SSC5D: variants seen among roughly 807,000 people sequenced by gnomAD.
SSC5D encodes the protein soluble scavenger receptor cysteine-rich domain-containing protein SSC5D.
A neutral mutation model predicts 104.6 loss-of-function variants in SSC5D; 106 were observed. That is an observed-to-expected ratio of 1.01 (90% CI 0.87 to 1.19). The LOEUF is 1.19. Ranked by LOEUF, SSC5D falls within the 50% of genes most tolerant of loss-of-function variation. The pLI, the probability that SSC5D is intolerant of heterozygous loss-of-function variation, is 0.00. For missense variants in SSC5D, 1,993 were observed against 2,153.8 expected (o/e 0.93, Z 1.48); for synonymous variants, 860 against 883.5 (o/e 0.97, Z 0.47).
At chr19:55,502,402 T>C (rs1417952607) in intron 12 of SSC5D, among the ~76,000 whole-genome samples, 3 of 152,134 alleles carry the variant, frequency 2.0e-5, no homozygotes, top group African/African-American at 7.2e-5. Context: ...CATTTCTTTT[T>C]CCCTGTCTTT....
intron 12 of SSC5D, among the ~76,000 whole-genome samples, chr19:55,505,878 A>G (rs1367881782): frequency 2.6e-5 from 4 of 151,736 alleles, no homozygotes; most frequent in African/African-American, 4.9e-5. Flanking sequence ...CTGGGATTAC[A>G]GGCGTGTGCC....
chr19:55,502,930 C>T (rs1439161829), intron 12 of SSC5D, among the ~76,000 whole-genome samples: 1 of 152,168 alleles, frequency 6.6e-6, no homozygotes, highest in Admixed American at 6.5e-5. Context: ...ATTCTCCTGC[C>T]TCAGCCTCCT....
rs1307138805 is a variant in SSC5D at position 55,489,476 on chromosome 19, C to G, written c.175C>G (p.Arg59Gly). 17 of 1,474,110 alleles carry G rather than the reference C, an allele frequency of 1.2e-5. No individual in the cohort carries two copies. Among genetic ancestry groups the G allele is most frequent in the South Asian group, 2.7e-5 (2 of 73,048 alleles). 91.3% of individuals were successfully genotyped at this position (1,474,110 alleles called of 1,614,324 possible). Residue 59 changes from arginine to glycine, a missense_variant, in exon 3 of 14, where the codon CGG becomes GGG. Physicochemically the swap from Arg to Gly is moderately radical, Grantham distance 125. This residue lies in a region of SSC5D where 1,101 missense variants were observed against 1,085.0 expected (regional missense o/e 1.01). Transcript: ENST00000389623. ...CCTGCGCGATGCCGCCGTGGCCTGCCGGCAGCTGGGCTGCGGAGGGGCACT... is the reference window on the plus strand; with the variant it reads ...CCTGCGCGATGCCGCCGTGGCCTGCGGGCAGCTGGGCTGCGGAGGGGCACT... The part of the protein sequence containing the change: ...WDLRDAAVAC[R>G]QLGCGGALAA...
chr19:55,518,640 A>C lies in SSC5D; in HGVS notation c.4364A>C (p.Asp1455Ala). 1 of 1,502,744 alleles carries C rather than the reference A, an allele frequency of 6.7e-7. No individual in the cohort carries two copies. The highest frequency in any genetic ancestry group is 8.9e-7 in the Non-Finnish European group (1 of 1,125,126). The allele number at this position is 1,502,744 out of a possible 1,614,324, so 93.1% of individuals were successfully genotyped here. A position where few individuals can be genotyped will look rare whatever the true frequency, so the allele number is the denominator to read the frequency against. ...TAHPLDHPPL[D>A]PLTLGPTPGQ... ...CACCCCTTGGATCATCCTCCCCTTG[A>C]CCCCCTCACCCTAGGGCCAACTCCT... The change falls in exon 14 of 14, where the codon GAC becomes GCC. Residue 1455 changes from aspartate to alanine, a missense_variant. Around this residue, in one of 6 missense-constraint regions of SSC5D, gnomAD observed 349 missense variants for 397.6 expected, o/e 0.88. Coordinates refer to ENST00000389623, the MANE Select transcript of SSC5D (RefSeq NM_001144950.2).
At chr19:55,507,384 C>T (rs1407317777) in intron 12 of SSC5D, among the ~76,000 whole-genome samples, 2 of 145,000 alleles carry the variant, frequency 1.4e-5, no homozygotes, top group East Asian at 2.1e-4. Flanking sequence ...AGACATTTTA[C>T]GGGCCGGGCG....
At position 55,517,437 on chromosome 19, in the gene SSC5D, C is replaced by T. The variant is rs1987898658; in HGVS notation, c.3161C>T (p.Pro1054Leu). The change falls in exon 14 of 14, where the codon CCG (proline) becomes CTG (leucine). Residue 1054 changes from proline (P) to leucine (L), a missense_variant. Pro to Leu is a moderately conservative substitution (Grantham distance 98). This residue lies in a region of SSC5D where 423 missense variants were observed against 409.2 expected (regional missense o/e 1.03). Transcript: ENST00000389623. ...GACACTTCACCACCCACCCCAGACC[C>T]GGCCTCCCGGACGAACCCCGACCTC... ...APDTSPPTPD[P>L]ASRTNPDLIL... The T allele has an allele frequency of 4.5e-6, 7 of 1,550,998 alleles. No individual in the cohort carries two copies. In the East Asian group the frequency reaches 9.8e-5, roughly 22 times the overall value.
chr19:55,505,031 C>A (rs1174479218), intron 12 of SSC5D, among the ~76,000 whole-genome samples: 1 of 150,038 alleles, frequency 6.7e-6, no homozygotes, highest in East Asian at 1.9e-4. Flanking sequence ...GATTGGGAAC[C>A]ATATGCTAAA....
In SSC5D at chr19:55,518,940, C is replaced by T. The variant is rs1987961699; in HGVS notation, c.4664C>T (p.Pro1555Leu). Residue 1555 changes from proline to leucine, a missense_variant, in exon 14 of 14, where the codon CCT becomes CTT. By Grantham distance (98) the Pro-to-Leu change is moderately conservative. Transcript: ENST00000389623. ...GAGATGGCCTGGACCACCAGCATGCCTGCACCAACCACCACTACCCCAGAG... is the reference window on the plus strand; with the variant it reads ...GAGATGGCCTGGACCACCAGCATGCTTGCACCAACCACCACTACCCCAGAG... ...LAEMAWTTSM[P>L]APTTTTPEEE... is the part of the protein sequence containing the mutation. The T allele has an allele frequency of 1.3e-6, 2 of 1,550,416 alleles. No homozygotes were observed. The highest frequency in any genetic ancestry group is 1.7e-6 in the Non-Finnish European group (2 of 1,146,972).
rs1987458833 is a variant in SSC5D, at chr19:55,500,494, G to T, written c.2307G>T (p.Leu769=). The change falls in exon 11 of 14, where the codon CTG becomes CTT. Residue 769 remains leucine (L), a synonymous_variant. Coordinates refer to ENST00000389623, the MANE Select transcript of SSC5D (RefSeq NM_001144950.2). This position sits in a 1 kb window ranked among gnomAD's most constrained non-coding sequence, Gnocchi z 4.6. ...PSVSTTGESG[L]FRVRLADGPN... Reference sequence around the variant, plus strand: ...ACCTAAGGGCCTTCCACGCAGGCCTGTTCCGGGTTCGTCTGGCCGATGGGC... The same window carrying T: ...ACCTAAGGGCCTTCCACGCAGGCCTTTTCCGGGTTCGTCTGGCCGATGGGC... 1.3e-6 allele frequency: 2 copies of T among 1,551,460 alleles called. No individual in the cohort carries two copies. Among genetic ancestry groups the T allele is most frequent in the South Asian group, 1.2e-5 (1 of 84,048 alleles).
Position 55,513,223 on chromosome 19 carries a change from T to C in SSC5D, c.2947+51T>C, listed in dbSNP as rs933297612. ...GACTGGGACGGTATTTGTCCTGGGG[T>C]AAAGAGACAGATTCCAGACTCCCCA... On this transcript the variant is annotated intron_variant, in intron 13 of 13. Transcript: ENST00000389623. 9 of 1,438,630 alleles carry C rather than the reference T, an allele frequency of 6.3e-6. No individual in the cohort carries two copies. The Admixed American group carries it at 8.6e-5, about 14-fold the overall frequency. The allele number at this position is 1,438,630 out of a possible 1,614,324, so 89.1% of individuals were successfully genotyped here.
At position 55,496,275 on chromosome 19, in the gene SSC5D, A is replaced by G. The variant is rs1987322508; in HGVS notation, c.1387+1492A>G. Among the ~76,000 whole-genome samples the G allele has an allele frequency of 5.9e-5, 9 of 152,288 alleles. No individual in the cohort carries two copies. The South Asian group carries it at 1.9e-3, about 32-fold the overall frequency. On this transcript the variant is annotated intron_variant, in intron 8 of 13. Coordinates refer to ENST00000389623, the MANE Select transcript of SSC5D (RefSeq NM_001144950.2). The stretch of plus-strand genomic sequence containing the variant: ...TGCACACGAAAGGCATGCTCAAGCC[A>G]TTTACCATCTCTAGGAATTAGCTAA...
rs1334775413 is a variant in SSC5D, at chr19:55,499,818, C to T, written c.1708C>T (p.Pro570Ser). Residue 570 changes from proline (P) to serine (S), a missense_variant and splice_region_variant, in exon 10 of 14, where the codon CCC (proline) becomes TCC (serine). By Grantham distance (74) the Pro-to-Ser change is moderately conservative. Transcript: ENST00000389623. ...TTCCTGCCCCACTCACCTTCCAGGG[C>T]CCCCAGGCCTGGACTCCATCTCAGA... is the stretch of plus-strand genomic sequence containing the variant. ...NEDVGVTCTG[P>S]PGLDSISDPF... 7.7e-6 allele frequency: 12 copies of T among 1,548,900 alleles called. No homozygotes were observed. The highest frequency in any genetic ancestry group is 5.5e-5 in the African/African-American group (4 of 72,920).
At chr19:55,499,220 G>T (rs1213176435) in intron 9 of SSC5D, among the ~76,000 whole-genome samples, 1 of 152,234 alleles carries the variant, frequency 6.6e-6, no homozygotes, top group Non-Finnish European at 1.5e-5. Flanking sequence ...CCAGGAGCCG[G>T]GGAAAAGGCG....
intron 13 of SSC5D, among the ~76,000 whole-genome samples, chr19:55,513,721 C>T (rs1375403494): frequency 3.9e-5 from 6 of 152,174 alleles, no homozygotes; most frequent in Admixed American, 1.3e-4. Context: ...GGCACCTGAT[C>T]GGTAGAGGCC....
At position 55,503,728 on chromosome 19, in the gene SSC5D, TG is replaced by T; in HGVS notation, c.2785+2528del. On this transcript the variant is annotated intron_variant, in intron 12 of 13. Transcript: ENST00000389623. This position sits in a 1 kb window ranked among gnomAD's most constrained non-coding sequence, Gnocchi z 4.0. ...CTGGGGCTGCCTGGGTTTCTGCCTCTGTCGCCCCGCGCCCCGTACCTGTGCC... is the reference window on the plus strand; with the variant it reads ...CTGGGGCTGCCTGGGTTTCTGCCTCTTCGCCCCGCGCCCCGTACCTGTGCC... Among the ~76,000 whole-genome samples the T allele has an allele frequency of 6.6e-6, 1 of 152,260 alleles. No individual in the cohort carries two copies. Among genetic ancestry groups the T allele is most frequent in the Admixed American group, 6.5e-5 (1 of 15,298 alleles).
intron 8 of SSC5D, among the ~76,000 whole-genome samples, chr19:55,495,903 T>TGC (rs1987315327): frequency 1.7e-5 from 1 of 58,642 alleles, no homozygotes; most frequent in African/African-American, 4.6e-5. Flanking sequence ...GCCTGGCTAT[T>TGC]TTTTTTTTTT....
Position 55,500,111 on chromosome 19 carries a change from A to T in SSC5D, c.2001A>T (p.Ala667=). Residue 667 remains alanine, a synonymous_variant, in exon 10 of 14, where the codon GCA becomes GCT. Transcript: ENST00000389623. This position sits in a 1 kb window ranked among gnomAD's most constrained non-coding sequence, Gnocchi z 4.6. The part of the protein sequence containing the change: ...PPDLTSQTTA[A]LTTEASRRPT... ...ACCTAACCTCACAGACCACTGCAGC[A>T]CTGACCACTGAGGCCTCCCGAAGAC... The T allele has an allele frequency of 6.4e-7, 1 of 1,551,544 alleles. No individual in the cohort carries two copies. The highest frequency in any genetic ancestry group is 8.7e-7 in the Non-Finnish European group (1 of 1,146,848).
At chr19:55,491,404 AAG>A (rs1987140215) in intron 6 of SSC5D, 1 of 301,426 alleles carries the variant, frequency 3.3e-6, no homozygotes, top group Admixed American at 4.8e-5. Context: ...GGCTTGAGCC[AAG>A]TCCTGGAACG....
At position 55,491,007 on chromosome 19, in the gene SSC5D, C is replaced by A; in HGVS notation, c.822C>A (p.Leu274=). Residue 274 remains leucine, a synonymous_variant, in exon 6 of 14, where the codon CTC becomes CTA. Coordinates refer to ENST00000389623, the MANE Select transcript of SSC5D (RefSeq NM_001144950.2). ...DVGCGGGEQA[L]RDCPRSPWGR... ...GGTGTGGAGGAGGAGAACAGGCCCT[C>A]CGAGACTGCCCCCGAAGCCCCTGGG... 1 of 1,550,044 alleles carries A rather than the reference C, an allele frequency of 6.5e-7. No homozygotes were observed.
Sources: gnomAD v4.1 joint callset for allele counts (sites outside exome capture counted in the v4.1 genomes callset) on GRCh38, gnomAD v4.1.1 for gene constraint, gnomAD v4.1.1 regional missense constraint, Gnocchi (gnomAD v3.1) non-coding constraint, MANE v1.5 for transcripts, NCBI Gene and HGNC (gene_info 2026-07-23, HGNC 2026-07-21) for gene names.